FAT4: variants seen among roughly 807,000 people sequenced by gnomAD.
FAT4 encodes protocadherin Fat 4.
In FAT4, 84 loss-of-function variants were observed where a neutral mutation model predicts 303.9. That is an observed-to-expected ratio of 0.28 (90% confidence interval 0.23 to 0.33). The LOEUF is 0.33. Ranked by LOEUF, FAT4 falls within the 10% of genes least tolerant of loss-of-function variation. FAT4 has a pLI of 1.00. For synonymous variants in FAT4, 2,307 were observed against 2,298.8 expected (o/e 1.00, Z -0.10); for missense variants, 6,005 against 6,146.8 (o/e 0.98, Z 0.77).
At chr4:125,335,580 A>G (rs1445838155) in intron 2 of FAT4, among the ~76,000 whole-genome samples, 2 of 152,158 alleles carry the variant, frequency 1.3e-5, no homozygotes, top group Non-Finnish European at 2.9e-5. Flanking sequence ...TTGAAGAAAT[A>G]AAACTATAAT....
At chr4:125,428,758 T>C (rs1426042863) in intron 7 of FAT4, among the ~76,000 whole-genome samples, 1 of 152,210 alleles carries the variant, frequency 6.6e-6, no homozygotes, top group Non-Finnish European at 1.5e-5. Flanking sequence ...TAATTGTAAT[T>C]AGGTTTTTGA....
chr4:125,364,260 C>T (rs533427940), intron 2 of FAT4, among the ~76,000 whole-genome samples: 1 of 151,942 alleles, frequency 6.6e-6, no homozygotes, highest in Non-Finnish European at 1.5e-5. Flanking sequence ...ACTTTTTTCT[C>T]TCTATAGTGA....
At chr4:125,331,918 T>A (rs900902587) in intron 2 of FAT4, among the ~76,000 whole-genome samples, 1 of 152,178 alleles carries the variant, frequency 6.6e-6, no homozygotes, top group African/African-American at 2.4e-5. Context: ...GAATGCAGGC[T>A]TTTGATTTAA....
intron 2 of FAT4, among the ~76,000 whole-genome samples, chr4:125,322,682 G>T (rs1372664313): frequency 2.0e-5 from 3 of 151,478 alleles, no homozygotes; most frequent in Non-Finnish European, 2.9e-5. Flanking sequence ...TTTCTTTTTT[G>T]GGGGGAGGAG....
Position 125,468,640 on chromosome 4 carries a change from T to A in FAT4, c.12034T>A (p.Leu4012Ile), listed in dbSNP as rs759462513. ...VKFATIKSHA[L>I]LLYNYDNQTG... ...ATTTGCCACGATTAAAAGTCATGCC[T>A]TATTGCTTTACAACTATGACAACCA... Residue 4012 changes from leucine (L) to isoleucine (I), a missense_variant, in exon 12 of 18, where the codon TTA becomes ATA. By Grantham distance (5) the Leu-to-Ile change is conservative. Coordinates refer to ENST00000394329, the MANE Select transcript of FAT4 (RefSeq NM_001291303.3). 5.0e-6 allele frequency: 8 copies of A among 1,614,036 alleles called. No homozygotes were observed. In the African/African-American group the frequency reaches 1.1e-4, roughly 22 times the overall value.
In FAT4 at chr4:125,316,554, T is replaced by C. The variant is rs1303089641; in HGVS notation, c.143T>C (p.Val48Ala). The change falls in exon 2 of 18, where the codon GTG becomes GCG. Residue 48 changes from valine to alanine, a missense_variant. Physicochemically the swap from Val to Ala is moderately conservative, Grantham distance 64. Transcript: ENST00000394329. This position sits in a 1 kb window ranked among gnomAD's most constrained non-coding sequence, Gnocchi z 5.7. Reference protein sequence around the residue: ...AWVHGAEPRQVFQVLEEQPPG... With the variant: ...AWVHGAEPRQAFQVLEEQPPG... ...GTCCACGGGGCCGAGCCGCGCCAGGTGTTCCAAGTGCTGGAAGAGCAACCT... is the reference window on the plus strand; with the variant it reads ...GTCCACGGGGCCGAGCCGCGCCAGGCGTTCCAAGTGCTGGAAGAGCAACCT... The C allele has an allele frequency of 1.2e-6, 2 of 1,613,976 alleles. No homozygotes were observed. The highest frequency in any genetic ancestry group is 1.7e-6 in the Non-Finnish European group (2 of 1,180,026).
chr4:125,393,660 A>T (rs766614635), intron 2 of FAT4, among the ~76,000 whole-genome samples: 2 of 152,220 alleles, frequency 1.3e-5, no homozygotes, highest in Non-Finnish European at 2.9e-5. Flanking sequence ...TTTAGTTTTA[A>T]AATATCCATT....
chr4:125,360,485 C>T (rs1732611292), intron 2 of FAT4, among the ~76,000 whole-genome samples: 1 of 152,104 alleles, frequency 6.6e-6, no homozygotes, highest in Admixed American at 6.6e-5. Context: ...TTATTGCTCC[C>T]TCGGTAGAGT....
chr4:125,414,600 CT>C (rs1206353449), intron 5 of FAT4, among the ~76,000 whole-genome samples: 4 of 152,080 alleles, frequency 2.6e-5, no homozygotes, highest in Non-Finnish European at 5.9e-5. Context: ...GCGTGTGGCA[CT>C]GTTAGTGTTG....
At chr4:125,391,827 T>C (rs939186680) in intron 2 of FAT4, among the ~76,000 whole-genome samples, 52 of 152,192 alleles carry the variant, frequency 3.4e-4, no homozygotes, top group African/African-American at 1.2e-3. Flanking sequence ...TGGATAACTT[T>C]GATTAATACA....
At chr4:125,362,854 T>A (rs1054415255) in intron 2 of FAT4, 3 of 152,098 alleles carry the variant, frequency 2.0e-5, no homozygotes, top group Non-Finnish European at 4.4e-5. Context: ...CTCAACTGAT[T>A]GGTCATGGCC....
Position 125,398,796 on chromosome 4 carries a change from C to T in FAT4, c.5188C>T (p.Leu1730Phe). The change falls in exon 3 of 18, where the codon CTT becomes TTT. Residue 1730 changes from leucine (L) to phenylalanine (F), a missense_variant. Leu to Phe is a conservative substitution (Grantham distance 22). Coordinates refer to ENST00000394329, the MANE Select transcript of FAT4 (RefSeq NM_001291303.3). ...RTQRAEVEIT[L>F]QDINDNPPVF... is the part of the protein sequence containing the mutation. Reference sequence around the variant, plus strand: ...TTTTTCTTTGTAGGTAGAAATAACACTTCAGGATATCAATGACAATCCACC... The same window carrying T: ...TTTTTCTTTGTAGGTAGAAATAACATTTCAGGATATCAATGACAATCCACC... 6.2e-7 allele frequency: 1 copy of T among 1,612,988 alleles called. No individual in the cohort carries two copies. The highest frequency in any genetic ancestry group is 8.5e-7 in the Non-Finnish European group (1 of 1,179,218).
In FAT4 at chr4:125,318,535, C is replaced by T. The variant is rs1161003105; in HGVS notation, c.2124C>T (p.Ile708=). Residue 708 remains isoleucine (I), a synonymous_variant, in exon 2 of 18, where the codon ATC becomes ATT. Transcript: ENST00000394329. The part of the protein sequence containing the change: ...IKENEPGGSY[I]TTVSATDPDL... Reference sequence around the variant, plus strand: ...AGAATGAGCCTGGAGGTAGCTACATCACCACTGTGTCTGCCACTGACCCAG... The same window carrying T: ...AGAATGAGCCTGGAGGTAGCTACATTACCACTGTGTCTGCCACTGACCCAG... 1.9e-6 allele frequency: 3 copies of T among 1,614,214 alleles called. No homozygotes were observed. The highest frequency in any genetic ancestry group is 3.3e-5 in the Admixed American group (2 of 60,030).
In FAT4 at chr4:125,351,732, G is replaced by T. The variant is rs558979132; in HGVS notation, c.5175+30146G>T. Among the ~76,000 whole-genome samples the T allele has an allele frequency of 8.6e-5, 13 of 151,806 alleles. 1 individual carries two copies. In the East Asian group the frequency reaches 1.7e-3, roughly 20 times the overall value. ...ATTTTGTTTTGATTTTTCAAAACTT[G>T]TTACTGAAAGTCAGAAATGTTTGTA... On this transcript the variant is annotated intron_variant, in intron 2 of 17. Coordinates refer to ENST00000394329, the MANE Select transcript of FAT4 (RefSeq NM_001291303.3).
chr4:125,427,913 C>A (rs1725144365), intron 7 of FAT4, among the ~76,000 whole-genome samples: 1 of 152,174 alleles, frequency 6.6e-6, no homozygotes, highest in Non-Finnish European at 1.5e-5. Flanking sequence ...GACATTTGAA[C>A]TTCAATCGTT....
At chr4:125,344,425 C>T (rs1171467657) in intron 2 of FAT4, among the ~76,000 whole-genome samples, 1 of 152,078 alleles carries the variant, frequency 6.6e-6, no homozygotes, top group African/African-American at 2.4e-5. Context: ...CCATTACAGC[C>T]AGAGGCTTTA....
At chr4:125,374,702 G>T (rs1360581865) in intron 2 of FAT4, among the ~76,000 whole-genome samples, 1 of 152,170 alleles carries the variant, frequency 6.6e-6, no homozygotes, top group African/African-American at 2.4e-5. Flanking sequence ...ACCCAGTGAA[G>T]TATGCAGTGA....
chr4:125,346,759 C>T (rs767148754), intron 2 of FAT4, among the ~76,000 whole-genome samples: 2 of 151,788 alleles, frequency 1.3e-5, no homozygotes, highest in African/African-American at 4.8e-5. Flanking sequence ...CTGGCCTGCT[C>T]GCATATTCAG....
At chr4:125,341,245 T>C (rs1731782469) in intron 2 of FAT4, among the ~76,000 whole-genome samples, 2 of 152,140 alleles carry the variant, frequency 1.3e-5, no homozygotes, top group South Asian at 4.1e-4. Context: ...CTATGAGCTA[T>C]CCCTAGGAAA....
Sources: allele counts gnomAD v4.1 joint callset (sites outside exome capture counted in the v4.1 genomes callset), GRCh38; gene constraint gnomAD v4.1.1; non-coding constraint Gnocchi (gnomAD v3.1); transcripts MANE v1.5; gene names NCBI Gene and HGNC (gene_info 2026-07-23, HGNC 2026-07-21).